The following KCNJ6 variants were observed in gnomAD, a reference collection of about 807,000 sequenced individuals.
KCNJ6 encodes G protein-activated inward rectifier potassium channel 2.
KCNJ6 carries 9 observed loss-of-function variants against 34.2 expected under a neutral mutation model. That is an observed-to-expected ratio of 0.26 (90% CI 0.16 to 0.46). KCNJ6 has a LOEUF of 0.46. Ranked by LOEUF, KCNJ6 falls within the 20% of genes least tolerant of loss-of-function variation. The pLI is 1.00. For synonymous variants in KCNJ6, 196 were observed against 207.1 expected (o/e 0.95, Z 0.46); for missense variants, 236 against 531.3 (o/e 0.44, Z 5.46).
At chr21:37,648,694 A>T (rs1028774696) in intron 3 of KCNJ6, among the ~76,000 whole-genome samples, 4 of 152,202 alleles carry the variant, frequency 2.6e-5, no homozygotes, top group Non-Finnish European at 5.9e-5. Flanking sequence ...TGTGGATGCC[A>T]CCTGACAAAA....
intron 3 of KCNJ6, among the ~76,000 whole-genome samples, chr21:37,633,124 T>A (rs772438950): frequency 6.6e-6 from 1 of 152,092 alleles, no homozygotes; most frequent in African/African-American, 2.4e-5. Flanking sequence ...TCTAACAGTT[T>A]AGAAAAAAAG....
At chr21:37,698,000 T>G (rs1341230180) in intron 3 of KCNJ6, among the ~76,000 whole-genome samples, 4 of 152,124 alleles carry the variant, frequency 2.6e-5, no homozygotes, top group Non-Finnish European at 5.9e-5. Flanking sequence ...GGGAGTACTT[T>G]TCACCCAAAG....
intron 2 of KCNJ6, among the ~76,000 whole-genome samples, chr21:37,775,959 G>A (rs890130135): frequency 9.9e-5 from 15 of 152,164 alleles, no homozygotes; most frequent in Middle Eastern, 3.4e-3. Context: ...CCATTTTCAC[G>A]ATATTGATTT....
At position 37,725,808 on chromosome 21, in the gene KCNJ6, T is replaced by C. The variant is rs538900353; in HGVS notation, c.26-10677A>G. Among the ~76,000 whole-genome samples the C allele has an allele frequency of 1.9e-4, 29 of 152,360 alleles. No individual in the cohort carries two copies. In the East Asian group the frequency reaches 5.6e-3, roughly 29 times the overall value. On this transcript the variant is annotated intron_variant, in intron 2 of 3. Transcript: ENST00000609713. The stretch of plus-strand genomic sequence containing the variant: ...AACATACTGCTGCAGATATAATCAA[T>C]GGAATACCATGCAGTCATTAAAAAT...
At chr21:37,855,076 A>G (rs2055557872) in intron 1 of KCNJ6, among the ~76,000 whole-genome samples, 1 of 152,254 alleles carries the variant, frequency 6.6e-6, no homozygotes, top group Non-Finnish European at 1.5e-5. Flanking sequence ...AAATGCCCAC[A>G]GCATATATAC....
At chr21:37,694,050 C>CTGCCAGAG (rs1238926169) in intron 3 of KCNJ6, among the ~76,000 whole-genome samples, 1 of 152,050 alleles carries the variant, frequency 6.6e-6, no homozygotes, top group African/African-American at 2.4e-5. Context: ...TGCCAGCCAC[C>CTGCCAGAG]GGGCAAATGG....
intron 2 of KCNJ6, among the ~76,000 whole-genome samples, chr21:37,819,093 C>A (rs1394064846): frequency 1.3e-5 from 2 of 152,198 alleles, no homozygotes; most frequent in African/African-American, 4.8e-5. Flanking sequence ...TGGTCTCATT[C>A]ACACTAGACA....
At chr21:37,772,958 G>C (rs2055124291) in intron 2 of KCNJ6, among the ~76,000 whole-genome samples, 2 of 152,162 alleles carry the variant, frequency 1.3e-5, no homozygotes. Flanking sequence ...GAGTTCATTT[G>C]AAAGGTCTTT....
At chr21:37,747,897 C>T (rs1052826122) in intron 2 of KCNJ6, among the ~76,000 whole-genome samples, 9 of 152,166 alleles carry the variant, frequency 5.9e-5, no homozygotes, top group Admixed American at 3.3e-4. Flanking sequence ...CCAAGTTTAT[C>T]GTAGTTTGTT....
At chr21:37,771,076 ATTGTCT>A (rs1209496806) in intron 2 of KCNJ6, among the ~76,000 whole-genome samples, 2 of 152,096 alleles carry the variant, frequency 1.3e-5, no homozygotes, top group African/African-American at 4.8e-5. Context: ...TGACATGGCT[ATTGTCT>A]TTATTTGGCG....
At chr21:37,899,019 G>A (rs1170102006) in intron 1 of KCNJ6, among the ~76,000 whole-genome samples, 1 of 152,140 alleles carries the variant, frequency 6.6e-6, no homozygotes, top group Admixed American at 6.6e-5. Context: ...AATAAGAAAG[G>A]TTAAAAAGAA....
intron 3 of KCNJ6, among the ~76,000 whole-genome samples, chr21:37,712,945 AG>A (rs1350540241): frequency 1.3e-5 from 2 of 152,018 alleles, no homozygotes; most frequent in East Asian, 3.9e-4. Flanking sequence ...CTTTCCGATT[AG>A]GTTCCTGTGC....
intron 3 of KCNJ6, among the ~76,000 whole-genome samples, chr21:37,662,154 T>C (rs947791001): frequency 1.3e-5 from 2 of 152,174 alleles, no homozygotes; most frequent in African/African-American, 4.8e-5. Context: ...GTTTGTTACA[T>C]AGGTAAATGT....
intron 2 of KCNJ6, among the ~76,000 whole-genome samples, chr21:37,732,267 G>T (rs1257651194): frequency 6.6e-6 from 1 of 152,196 alleles, no homozygotes; most frequent in Non-Finnish European, 1.5e-5. Context: ...GGGTGTGTGG[G>T]GCTGGCCAGA....
rs141897794 is a variant in KCNJ6, at chr21:37,715,688, G to A, written c.26-557C>T. Among the ~76,000 whole-genome samples, 343 of 152,286 alleles carry A rather than the reference G, an allele frequency of 2.3e-3. 2 individuals are homozygous for A. Among genetic ancestry groups the A allele is most frequent in the Middle Eastern group, 0.01 (3 of 294 alleles). Reference sequence around the variant, plus strand: ...GGTTATATGAGGCCATAGGGTTGGGGCTCCAATCTAATAGGACTGGTATCC... The same window carrying A: ...GGTTATATGAGGCCATAGGGTTGGGACTCCAATCTAATAGGACTGGTATCC... On this transcript the variant is annotated intron_variant, in intron 2 of 3. Coordinates refer to ENST00000609713, the MANE Select transcript of KCNJ6 (RefSeq NM_002240.5).
intron 2 of KCNJ6, among the ~76,000 whole-genome samples, chr21:37,723,369 T>A (rs966301595): frequency 1.3e-5 from 2 of 152,170 alleles, no homozygotes; most frequent in African/African-American, 2.4e-5. Context: ...AATTTGGAGA[T>A]TTCTCAAAGA....
At chr21:37,818,480 T>C (rs2835987) in intron 2 of KCNJ6, among the ~76,000 whole-genome samples, 83,591 of 151,426 alleles carry the variant, frequency 0.55, 23,620 homozygotes, top group East Asian at 0.78. Context: ...AGGAATCCCA[T>C]GTTTTACCCG....
chr21:37,668,766 G>A (rs1262721387), intron 3 of KCNJ6, among the ~76,000 whole-genome samples: 1 of 152,186 alleles, frequency 6.6e-6, no homozygotes, highest in Non-Finnish European at 1.5e-5. Flanking sequence ...TTCTGCTGAG[G>A]AAGGAGAAGG....
chr21:37,783,099 G>A (rs2055177276), intron 2 of KCNJ6, among the ~76,000 whole-genome samples: 3 of 152,150 alleles, frequency 2.0e-5, no homozygotes, highest in African/African-American at 7.2e-5. Context: ...TTCTCAAGAG[G>A]TTAGGATCAC....
Sources: allele counts gnomAD v4.1 joint callset (sites outside exome capture counted in the v4.1 genomes callset), GRCh38; gene constraint gnomAD v4.1.1; transcripts MANE v1.5; gene names NCBI Gene and HGNC (gene_info 2026-07-23, HGNC 2026-07-21).